The following RBMS3 variants were observed in gnomAD, a reference collection of about 807,000 sequenced individuals.
RBMS3 encodes the protein RNA-binding motif, single-stranded-interacting protein 3.
RBMS3 carries 27 observed loss-of-function variants against 66.8 expected under a neutral mutation model. The observed-to-expected ratio is 0.40, with a 90% CI of 0.30 to 0.56. The LOEUF is 0.56. RBMS3 is among the 20% of genes least tolerant of loss of function. RBMS3 has a pLI of 0.40. For synonymous variants in RBMS3, 188 were observed against 183.0 expected, an observed-to-expected ratio of 1.03 and a Z score of -0.22; for missense variants, 513 against 549.5, an observed-to-expected ratio of 0.93 and a Z score of 0.66.
At chr3:29,490,621 C>T (rs1010758902) in intron 3 of RBMS3, among the ~76,000 whole-genome samples, 3 of 151,884 alleles carry the variant, frequency 2.0e-5, no homozygotes, top group Admixed American at 1.3e-4. Context: ...GTAAGAAAGC[C>T]CAGGGCTACA....
At position 29,296,770 on chromosome 3, in the gene RBMS3, T is replaced by C. The variant is rs185053798; in HGVS notation, c.75+15014T>C. Among the ~76,000 whole-genome samples, 8 of 151,846 alleles carry C rather than the reference T, an allele frequency of 5.3e-5. No individual in the cohort carries two copies. The East Asian group carries it at 1.6e-3, about 30-fold the overall frequency. ...CTGATAGTAGTTAATCCTCTTTACATAGTCATATTTCACAGAACTTAATCA... is the reference window on the plus strand; with the variant it reads ...CTGATAGTAGTTAATCCTCTTTACACAGTCATATTTCACAGAACTTAATCA... On this transcript the variant is annotated intron_variant, in intron 1 of 14. Coordinates refer to ENST00000383767, the MANE Select transcript of RBMS3 (RefSeq NM_001003793.3).
rs2031733080 is a variant in RBMS3 at position 29,281,165 on chromosome 3, CCTTT to C, written c.-512_-509del. ...TTTTTCTTTTTTTTTTTCTTTTTCC[CCTTT>C]CTTTTTCTTTCTTTCTTTCTTTTTC... On this transcript the variant is annotated 5_prime_UTR_variant, in exon 1 of 15. Transcript: ENST00000383767. The C allele has an allele frequency of 1.5e-5, 2 of 133,208 alleles. No individual in the cohort carries two copies. The highest frequency in any genetic ancestry group is 5.6e-5 in the African/African-American group (2 of 35,520). The allele number at this position is 133,208 out of a possible 1,614,324, so 8.3% of individuals were successfully genotyped here. A position where few individuals can be genotyped will look rare whatever the true frequency, so the allele number is the denominator to read the frequency against.
intron 4 of RBMS3, among the ~76,000 whole-genome samples, chr3:29,660,640 G>T (rs1484185258): frequency 6.6e-6 from 1 of 151,750 alleles, no homozygotes; most frequent in Non-Finnish European, 1.5e-5. Context: ...TTGGTTTTTT[G>T]AATGTTGTAG....
intron 6 of RBMS3, among the ~76,000 whole-genome samples, chr3:29,780,512 A>G (rs984503416): frequency 6.6e-6 from 1 of 152,134 alleles, no homozygotes; most frequent in Non-Finnish European, 1.5e-5. Context: ...TTTTAAAAAA[A>G]TCACCTTAAA....
intron 1 of RBMS3, among the ~76,000 whole-genome samples, chr3:29,400,326 G>A (rs1026540520): frequency 2.0e-5 from 3 of 151,980 alleles, no homozygotes; most frequent in African/African-American, 7.2e-5. Context: ...GGCACAAAAG[G>A]ACAATTACTG....
intron 6 of RBMS3, among the ~76,000 whole-genome samples, chr3:29,856,774 C>T (rs1416746501): frequency 6.6e-6 from 1 of 152,158 alleles, no homozygotes; most frequent in Non-Finnish European, 1.5e-5. Context: ...CACTAAACAT[C>T]TTCATAGGCG....
At chr3:29,987,355 T>C (rs1273954280) in intron 12 of RBMS3, among the ~76,000 whole-genome samples, 2 of 152,214 alleles carry the variant, frequency 1.3e-5, no homozygotes, top group African/African-American at 4.8e-5. Context: ...TTTATGCTTA[T>C]GTAACTGAAC....
chr3:29,649,770 T>C (rs1446097998), intron 4 of RBMS3, among the ~76,000 whole-genome samples: 1 of 152,198 alleles, frequency 6.6e-6, no homozygotes, highest in Non-Finnish European at 1.5e-5. Flanking sequence ...ATTTTTACTA[T>C]CTTTTATGTA....
chr3:29,785,181 C>T (rs13063508), intron 6 of RBMS3, among the ~76,000 whole-genome samples: 18,047 of 151,942 alleles, frequency 0.12, 1,239 homozygotes, highest in African/African-American at 0.17. Flanking sequence ...CCAGTATCAC[C>T]CTAATACCAA....
chr3:29,981,419 A>C (rs549827785), intron 12 of RBMS3, among the ~76,000 whole-genome samples: 12 of 152,252 alleles, frequency 7.9e-5, no homozygotes, highest in Admixed American at 3.9e-4. Context: ...AATGCCATTT[A>C]TTTCTTTCTC....
chr3:29,397,093 G>T (rs1395641480), intron 1 of RBMS3, among the ~76,000 whole-genome samples: 2 of 152,146 alleles, frequency 1.3e-5, no homozygotes, highest in Non-Finnish European at 2.9e-5. Context: ...TTAGGAACAT[G>T]AATTCAATAT....
At chr3:29,541,833 C>T (rs898687484) in intron 3 of RBMS3, among the ~76,000 whole-genome samples, 6 of 152,078 alleles carry the variant, frequency 3.9e-5, no homozygotes, top group Middle Eastern at 3.2e-3. Context: ...TATTCACTGC[C>T]GCAGCCCTCA....
At chr3:29,764,530 G>T (rs1458426939) in intron 6 of RBMS3, among the ~76,000 whole-genome samples, 1 of 151,820 alleles carries the variant, frequency 6.6e-6, no homozygotes, top group Non-Finnish European at 1.5e-5. Flanking sequence ...GTTCAAACTA[G>T]GTGTAAATTA....
intron 10 of RBMS3, among the ~76,000 whole-genome samples, chr3:29,907,057 A>G (rs1296143954): frequency 6.6e-6 from 1 of 152,104 alleles, no homozygotes; most frequent in Non-Finnish European, 1.5e-5. Context: ...CAGTGACCAC[A>G]TATTATATTT....
chr3:29,762,569 C>A (rs1287931931), intron 5 of RBMS3, among the ~76,000 whole-genome samples: 2 of 152,128 alleles, frequency 1.3e-5, no homozygotes, highest in South Asian at 4.1e-4. Flanking sequence ...ACTTACCCAT[C>A]AGGTTTGCTA....
intron 4 of RBMS3, among the ~76,000 whole-genome samples, chr3:29,689,622 A>G (rs7616058): frequency 2.1e-3 from 315 of 152,204 alleles, no homozygotes; most frequent in African/African-American, 7.4e-3. Flanking sequence ...CCCTAGATAG[A>G]ATTTGTTTAC....
intron 3 of RBMS3, among the ~76,000 whole-genome samples, chr3:29,531,659 C>A (rs1213130886): frequency 6.6e-6 from 1 of 152,172 alleles, no homozygotes; most frequent in Non-Finnish European, 1.5e-5. Context: ...CCGCCCTTCC[C>A]TTGGTGTTTG....
At chr3:29,454,095 A>G (rs979946598) in intron 2 of RBMS3, among the ~76,000 whole-genome samples, 20 of 152,218 alleles carry the variant, frequency 1.3e-4, no homozygotes, top group Admixed American at 3.9e-4. Flanking sequence ...TTTTTCTGCC[A>G]GAACTTCTGG....
At chr3:30,001,766 A>C (rs1308552401) in intron 14 of RBMS3, among the ~76,000 whole-genome samples, 3 of 146,686 alleles carry the variant, frequency 2.0e-5, no homozygotes, top group African/African-American at 8.1e-5. Context: ...TTTTCAAGTT[A>C]TTTCTTTTTA....
Sources: allele counts gnomAD v4.1 joint callset (sites outside exome capture counted in the v4.1 genomes callset), GRCh38; gene constraint gnomAD v4.1.1; transcripts MANE v1.5; gene names NCBI Gene and HGNC (gene_info 2026-07-23, HGNC 2026-07-21).